Variants in CCDC122 observed in about 807,000 individuals in gnomAD.
CCDC122 encodes the protein coiled-coil domain-containing protein 122.
In CCDC122, 38 loss-of-function variants were observed where a neutral mutation model predicts 37.0. That is an observed-to-expected ratio of 1.03 (90% confidence interval 0.79 to 1.35). CCDC122 has a LOEUF of 1.35. CCDC122 is among the 40% of genes most tolerant of loss of function. The pLI is 0.00. For missense variants in CCDC122, 305 were observed against 310.0 expected (o/e 0.98, Z 0.12); for synonymous variants, 83 against 95.6 (o/e 0.87, Z 0.77).
At chr13:43,875,235 T>C (rs1041682795) in intron 1 of CCDC122, among the ~76,000 whole-genome samples, 1 of 152,194 alleles carries the variant, frequency 6.6e-6, no homozygotes, top group African/African-American at 2.4e-5. Flanking sequence ...CCTACCTGCT[T>C]GTCTCATTCA....
intron 2 of CCDC122, 126 bp from the exon 3 acceptor site, chr13:43,869,615 G>T: frequency 2.2e-6 from 1 of 454,860 alleles, no homozygotes; most frequent in Non-Finnish European, 3.9e-6. Context: ...TTTGTATTTT[G>T]CTTCTCCTGC....
intron 1 of CCDC122, 114 bp downstream of exon 1, chr13:43,879,512 AGACCC>A (rs1954812926): frequency 6.6e-6 from 1 of 152,356 alleles, no homozygotes; most frequent in Non-Finnish European, 1.5e-5. Context: ...CGGACCGCCC[AGACCC>A]GGAACTGCTG....
At chr13:43,844,599 T>A (rs1004492774) in intron 6 of CCDC122, among the ~76,000 whole-genome samples, 1 of 152,138 alleles carries the variant, frequency 6.6e-6, no homozygotes, top group Admixed American at 6.5e-5. Flanking sequence ...ATATCTGATA[T>A]GACTATAGAT....
downstream of CCDC122, among the ~76,000 whole-genome samples, chr13:43,823,595 G>T (rs777861551): frequency 5.3e-5 from 8 of 152,234 alleles, no homozygotes; most frequent in Non-Finnish European, 1.2e-4. Context: ...GCCCACAGTG[G>T]CAAGGCCTTC....
At chr13:43,869,701 G>A (rs944941098) in intron 2 of CCDC122, among the ~76,000 whole-genome samples, 1 of 151,684 alleles carries the variant, frequency 6.6e-6, no homozygotes, top group Non-Finnish European at 1.5e-5. Context: ...AACTTCATAA[G>A]GCTGTTCTAA....
chr13:43,865,348 T>A (rs1255565625), intron 4 of CCDC122, among the ~76,000 whole-genome samples: 1 of 152,126 alleles, frequency 6.6e-6, no homozygotes, highest in East Asian at 1.9e-4. Flanking sequence ...ACTTGTGGGA[T>A]CTGATGCTAA....
chr13:43,869,205 C>A (rs1954368855), intron 3 of CCDC122, 126 bp downstream of exon 3: 1 of 732,610 alleles, frequency 1.4e-6, no homozygotes, highest in Non-Finnish European at 2.3e-6. Context: ...TATGTTTGTC[C>A]CAGCTAAATG....
At chr13:43,836,186 G>A (rs1157624928), downstream of CCDC122, among the ~76,000 whole-genome samples, 2 of 152,128 alleles carry the variant, frequency 1.3e-5, no homozygotes, top group African/African-American at 4.8e-5. Flanking sequence ...TTGACTCAAT[G>A]GAACCATGAA....
chr13:43,837,198 A>G lies in CCDC122; in HGVS notation c.*82T>C, dbSNP rs1483826776. 5 of 1,374,754 alleles carry G rather than the reference A, an allele frequency of 3.6e-6. No individual in the cohort carries two copies. Among genetic ancestry groups the G allele is most frequent in the Non-Finnish European group, 5.0e-6 (5 of 1,007,450 alleles). The allele number at this position is 1,374,754 out of a possible 1,614,324, so 85.2% of individuals were successfully genotyped here. ...TCTCTAATAGTGGATGCTTGTTATTAAGAATCCAAAAGATTTTCTTAATGT... is the reference window on the plus strand; with the variant it reads ...TCTCTAATAGTGGATGCTTGTTATTGAGAATCCAAAAGATTTTCTTAATGT... On this transcript the variant is annotated 3_prime_UTR_variant, in exon 7 of 7. Coordinates refer to ENST00000444614, the MANE Select transcript of CCDC122 (RefSeq NM_144974.5).
intron 6 of CCDC122, among the ~76,000 whole-genome samples, chr13:43,851,221 G>T (rs967013172): frequency 6.6e-6 from 1 of 152,100 alleles, no homozygotes; most frequent in Non-Finnish European, 1.5e-5. Flanking sequence ...AAAAGGAAAT[G>T]ATATAAGAAG....
At chr13:43,870,418 G>A (rs1954408386) in intron 2 of CCDC122, among the ~76,000 whole-genome samples, 1 of 151,986 alleles carries the variant, frequency 6.6e-6, no homozygotes, top group Admixed American at 6.6e-5. Flanking sequence ...TTTCTCTCTA[G>A]CTCTTTCATC....
intron 3 of CCDC122, among the ~76,000 whole-genome samples, chr13:43,827,766 G>A (rs571281821): frequency 9.9e-5 from 15 of 152,218 alleles, no homozygotes; most frequent in East Asian, 1.9e-4. Context: ...CCCATCCCTC[G>A]TTTATATGGA....
At chr13:43,857,531 T>C (rs888488716) in intron 6 of CCDC122, among the ~76,000 whole-genome samples, 3 of 152,170 alleles carry the variant, frequency 2.0e-5, no homozygotes, top group Admixed American at 6.6e-5. Flanking sequence ...AACATTTTTC[T>C]TTATTTTTCC....
chr13:43,859,811 A>G lies in CCDC122; in HGVS notation c.416T>C (p.Leu139Ser). The change falls in exon 5 of 7, where the codon TTG becomes TCG. Residue 139 changes from leucine (L) to serine (S), a missense_variant. Physicochemically the swap from Leu to Ser is moderately radical, Grantham distance 145 (BLOSUM62 -2). Coordinates refer to ENST00000444614, the MANE Select transcript of CCDC122 (RefSeq NM_144974.5). ...YAKIKAHKNS[L>S]GEVESKWSFM... ...TGACCATTTGCTCTCTACTTCCCCC[A>G]AACTATTTTTATGTGCTTTTATTTT... 1 of 1,609,818 alleles carries G rather than the reference A, an allele frequency of 6.2e-7. No homozygotes were observed. Among genetic ancestry groups the G allele is most frequent in the Non-Finnish European group, 8.5e-7 (1 of 1,178,604 alleles).
At chr13:43,864,073 A>C (rs1489596116) in intron 4 of CCDC122, among the ~76,000 whole-genome samples, 2 of 152,122 alleles carry the variant, frequency 1.3e-5, no homozygotes, top group Admixed American at 1.3e-4. Context: ...AAAATATCCA[A>C]TTGTTCTTCT....
At chr13:43,829,588 G>A (rs1376483882) in intron 3 of CCDC122, among the ~76,000 whole-genome samples, 1 of 152,128 alleles carries the variant, frequency 6.6e-6, no homozygotes, top group Non-Finnish European at 1.5e-5. Flanking sequence ...TTACAGGTGT[G>A]AGCCAACATG....
At chr13:43,875,765 C>T (rs1024092147) in intron 1 of CCDC122, among the ~76,000 whole-genome samples, 6 of 152,228 alleles carry the variant, frequency 3.9e-5, no homozygotes, top group African/African-American at 7.2e-5. Flanking sequence ...CCATAGAATG[C>T]TCCACTTCTA....
At chr13:43,850,123 T>C (rs576092759) in intron 6 of CCDC122, among the ~76,000 whole-genome samples, 1 of 152,206 alleles carries the variant, frequency 6.6e-6, no homozygotes, top group South Asian at 2.1e-4. Flanking sequence ...CAGAATGATA[T>C]TTGCAGAGGC....
chr13:43,827,886 T>C (rs1245080682), intron 3 of CCDC122, among the ~76,000 whole-genome samples: 1 of 152,182 alleles, frequency 6.6e-6, no homozygotes, highest in African/African-American at 2.4e-5. Flanking sequence ...AAGGTGGAGT[T>C]GGAGTTGACT....
Sources: gnomAD v4.1 joint callset for allele counts (sites outside exome capture counted in the v4.1 genomes callset) on GRCh38, gnomAD v4.1.1 for gene constraint, MANE v1.5 for transcripts, NCBI Gene and HGNC (gene_info 2026-07-23, HGNC 2026-07-21) for gene names.